Variants in MEGF11 observed in about 807,000 individuals in gnomAD.
The protein encoded by MEGF11 is multiple EGF like domains 11.
Under a neutral mutation model 146.6 loss-of-function variants are expected in MEGF11, and 126 were observed. The observed-to-expected ratio is 0.86, with a 90% CI of 0.74 to 1.00. MEGF11 has a LOEUF of 1.00. Among genes scored for constraint, MEGF11 ranks in the 50% least tolerant of loss-of-function variants. MEGF11 has a pLI of 0.00. For synonymous variants in MEGF11, 532 were observed against 583.4 expected (o/e 0.91, Z 1.27); for missense variants, 1,509 against 1,521.2 (o/e 0.99, Z 0.13).
At chr15:65,964,005 G>A (rs925760463) in intron 9 of MEGF11, among the ~76,000 whole-genome samples, 11 of 152,190 alleles carry the variant, frequency 7.2e-5, no homozygotes, top group Non-Finnish European at 1.3e-4. Context: ...CAGGGTGGCC[G>A]GTCTTCCCTG....
At chr15:66,247,927 C>T (rs564198353) in intron 1 of MEGF11, among the ~76,000 whole-genome samples, 10 of 148,572 alleles carry the variant, frequency 6.7e-5, no homozygotes, top group East Asian at 3.9e-4. Context: ...TCCAGCCACT[C>T]GGGAGGCTGG....
intron 5 of MEGF11, among the ~76,000 whole-genome samples, chr15:66,080,622 G>A (rs995361916): frequency 1.3e-5 from 2 of 152,250 alleles, no homozygotes; most frequent in Admixed American, 1.3e-4. Flanking sequence ...TGTGCACTAA[G>A]AGGAAGTCAA....
At chr15:65,958,323 T>A (rs905333217) in intron 9 of MEGF11, among the ~76,000 whole-genome samples, 2 of 152,232 alleles carry the variant, frequency 1.3e-5, no homozygotes, top group Admixed American at 6.5e-5. Flanking sequence ...CTTCTCCATC[T>A]CCTGTTTAGG....
chr15:66,009,778 T>TTCAAAAAATTC (rs1225114577), intron 5 of MEGF11, among the ~76,000 whole-genome samples: 1 of 151,938 alleles, frequency 6.6e-6, no homozygotes, highest in African/African-American at 2.4e-5. Context: ...GAATTTTTAG[T>TTCAAAAAATTC]AGAGGCGGGG....
intron 1 of MEGF11, among the ~76,000 whole-genome samples, chr15:66,165,706 G>A: frequency 6.6e-6 from 1 of 152,064 alleles, no homozygotes; most frequent in African/African-American, 2.4e-5. Flanking sequence ...GGCAGGTGGG[G>A]GACTTATAAG....
At chr15:66,134,453 T>TGCCTGGCCCCTCCCCACCA (rs1358376615) in intron 1 of MEGF11, among the ~76,000 whole-genome samples, 2 of 151,956 alleles carry the variant, frequency 1.3e-5, no homozygotes, top group Non-Finnish European at 2.9e-5. Flanking sequence ...CCCGGACACC[T>TGCCTGGCCCCTCCCCACCA]GCCTGGCCCC....
intron 4 of MEGF11, among the ~76,000 whole-genome samples, chr15:66,104,856 C>T (rs147981910): frequency 2.1e-4 from 32 of 152,234 alleles, no homozygotes; most frequent in African/African-American, 7.2e-4. Context: ...AGAGGCAAAA[C>T]GCGAGTCCTC....
intron 5 of MEGF11, among the ~76,000 whole-genome samples, chr15:66,066,050 A>C (rs2085110275): frequency 6.6e-6 from 1 of 152,210 alleles, no homozygotes; most frequent in Non-Finnish European, 1.5e-5. Flanking sequence ...TATGGCTCTG[A>C]ACAGGGACCC....
At chr15:66,145,634 C>T (rs2089342723) in intron 1 of MEGF11, among the ~76,000 whole-genome samples, 1 of 152,128 alleles carries the variant, frequency 6.6e-6, no homozygotes, top group Admixed American at 6.5e-5. Flanking sequence ...CAATATGTGC[C>T]AGAAAGGCAA....
intron 1 of MEGF11, among the ~76,000 whole-genome samples, chr15:66,192,531 A>AAAATAAAATAAAATC (rs1567278834): frequency 1.4e-5 from 2 of 144,106 alleles, no homozygotes; most frequent in East Asian, 2.2e-4. Flanking sequence ...AAAATAAAAT[A>AAAATAAAATAAAATC]AAATCATCAT....
intron 5 of MEGF11, among the ~76,000 whole-genome samples, chr15:66,030,566 C>T (rs949743255): frequency 2.0e-5 from 3 of 152,136 alleles, no homozygotes; most frequent in African/African-American, 2.4e-5. Context: ...TTCACCACCA[C>T]GCCCAGCTAA....
chr15:66,103,161 T>TG (rs1157120491), intron 4 of MEGF11, among the ~76,000 whole-genome samples: 1 of 152,070 alleles, frequency 6.6e-6, no homozygotes, highest in African/African-American at 2.4e-5. Flanking sequence ...CCGCACACAG[T>TG]GGGGGTCAGA....
intron 1 of MEGF11, among the ~76,000 whole-genome samples, chr15:66,203,782 T>C (rs1194132538): frequency 6.6e-6 from 1 of 152,174 alleles, no homozygotes; most frequent in Non-Finnish European, 1.5e-5. Context: ...TGGGTGACAA[T>C]AGAGAAAATT....
rs565055199 is a variant in MEGF11, at chr15:66,198,675, G to A, written c.-9+54930C>T. ...TAATTTTTTTGTTTTTGATAGAGAC[G>A]GGGTTTCATCATGTTGCCCAGGCTG... On this transcript the variant is annotated intron_variant, in intron 1 of 25. Transcript: ENST00000395614. 1.8e-4 allele frequency among the ~76,000 whole-genome samples: 27 copies of A among 152,116 alleles called. 1 individual carries two copies. The South Asian group carries it at 4.8e-3, about 27-fold the overall frequency.
chr15:65,946,061 G>A (rs1213802076), intron 10 of MEGF11, among the ~76,000 whole-genome samples: 1 of 152,204 alleles, frequency 6.6e-6, no homozygotes, highest in Non-Finnish European at 1.5e-5. Flanking sequence ...GTTAATATAT[G>A]TAATGTTCTT....
chr15:66,231,775 C>T (rs536895891), intron 1 of MEGF11, among the ~76,000 whole-genome samples: 1 of 152,204 alleles, frequency 6.6e-6, no homozygotes, highest in African/African-American at 2.4e-5. Context: ...CCTTCTCCCC[C>T]TCAGTAGTGA....
chr15:66,000,266 C>T (rs572585905), intron 5 of MEGF11, among the ~76,000 whole-genome samples: 1 of 152,288 alleles, frequency 6.6e-6, no homozygotes, highest in East Asian at 1.9e-4. Context: ...TGCAGCTGGA[C>T]ATGGTGGCCC....
intron 1 of MEGF11, among the ~76,000 whole-genome samples, chr15:66,189,527 C>T (rs1454142543): frequency 6.6e-6 from 1 of 152,148 alleles, no homozygotes; most frequent in Non-Finnish European, 1.5e-5. Context: ...TGGAGCCCTG[C>T]AACCCTGGGG....
chr15:66,046,630 CTTGT>C (rs914440419), intron 5 of MEGF11, among the ~76,000 whole-genome samples: 1 of 152,138 alleles, frequency 6.6e-6, no homozygotes, highest in Non-Finnish European at 1.5e-5. Flanking sequence ...AGGGGGCTTC[CTTGT>C]TTGCTTTGTT....
Sources: gnomAD v4.1 joint callset for allele counts (sites outside exome capture counted in the v4.1 genomes callset) on GRCh38, gnomAD v4.1.1 for gene constraint, MANE v1.5 for transcripts, NCBI Gene and HGNC (gene_info 2026-07-23, HGNC 2026-07-21) for gene names.